Variants in RARB observed in about 807,000 individuals in gnomAD.
RARB encodes the protein HBV-activated protein.
Under a neutral mutation model 51.9 loss-of-function variants are expected in RARB, and 17 were observed. The ratio of observed to expected loss-of-function variants is 0.33; its 90% CI spans 0.22 to 0.49. The LOEUF is 0.49. RARB is among the 20% of genes least tolerant of loss of function. The pLI is 0.99. For synonymous variants in RARB, 215 were observed against 195.4 expected (o/e 1.10, Z -0.84); for missense variants, 369 against 550.8 (o/e 0.67, Z 3.30).
At chr3:24,920,043 C>G (rs1211401713) in intron 2 of RARB, among the ~76,000 whole-genome samples, 1 of 152,140 alleles carries the variant, frequency 6.6e-6, no homozygotes, top group East Asian at 1.9e-4. Context: ...GCTAGTCATA[C>G]AAACCAAAGA....
At chr3:25,102,393 T>G (rs985461760) in intron 3 of RARB, among the ~76,000 whole-genome samples, 5 of 151,170 alleles carry the variant, frequency 3.3e-5, no homozygotes, top group Admixed American at 3.3e-4. Flanking sequence ...ATACAAAAAT[T>G]AGTCAGGCAT....
At chr3:25,137,280 T>G (rs1413186582) in intron 4 of RARB, among the ~76,000 whole-genome samples, 6 of 152,076 alleles carry the variant, frequency 3.9e-5, no homozygotes, top group Non-Finnish European at 8.8e-5. Flanking sequence ...TTCTTATAAT[T>G]TATCATTTCT....
chr3:25,069,780 G>T (rs1476806746), intron 3 of RARB, among the ~76,000 whole-genome samples: 1 of 152,192 alleles, frequency 6.6e-6, no homozygotes, highest in Non-Finnish European at 1.5e-5. Context: ...TGACCCTTCA[G>T]TAGCAAATAT....
At chr3:24,857,869 T>A (rs1000741693) in intron 1 of RARB, among the ~76,000 whole-genome samples, 1 of 152,196 alleles carries the variant, frequency 6.6e-6, no homozygotes, top group Admixed American at 6.5e-5. Flanking sequence ...GAAGTCACAG[T>A]GAGCTGTTAT....
At chr3:25,007,200 A>G (rs1389445341) in intron 2 of RARB, among the ~76,000 whole-genome samples, 2 of 152,222 alleles carry the variant, frequency 1.3e-5, no homozygotes, top group African/African-American at 4.8e-5. Flanking sequence ...TCTTCTGATT[A>G]CTATAAACAG....
intron 2 of RARB, among the ~76,000 whole-genome samples, chr3:24,970,462 T>C (rs1575097658): frequency 1.3e-5 from 2 of 151,958 alleles, no homozygotes; most frequent in East Asian, 1.9e-4. Flanking sequence ...TCTTTTATAT[T>C]TGAAGACTAG....
At chr3:25,325,981 C>T (rs1704705624) in intron 5 of RARB, among the ~76,000 whole-genome samples, 1 of 152,166 alleles carries the variant, frequency 6.6e-6, no homozygotes, top group Admixed American at 6.5e-5. Context: ...GCTGACTGTA[C>T]ATCCCCTATC....
chr3:25,122,895 C>G (rs1315276912), intron 3 of RARB, among the ~76,000 whole-genome samples: 1 of 152,152 alleles, frequency 6.6e-6, no homozygotes, highest in Non-Finnish European at 1.5e-5. Context: ...ATGCTAAATC[C>G]TTTCCATCGG....
At chr3:25,005,184 A>C (rs1697245045) in intron 2 of RARB, among the ~76,000 whole-genome samples, 1 of 152,186 alleles carries the variant, frequency 6.6e-6, no homozygotes, top group African/African-American at 2.4e-5. Flanking sequence ...CTCTTGAATG[A>C]AATAGCCTCC....
At chr3:25,234,112 T>C (rs1392912869) in intron 5 of RARB, among the ~76,000 whole-genome samples, 5 of 152,190 alleles carry the variant, frequency 3.3e-5, no homozygotes, top group Non-Finnish European at 7.4e-5. Context: ...CTTAATTTTC[T>C]GAATGAGATT....
intron 5 of RARB, among the ~76,000 whole-genome samples, chr3:25,402,817 G>A (rs1707300418): frequency 6.6e-6 from 1 of 152,076 alleles, no homozygotes; most frequent in African/African-American, 2.4e-5. Flanking sequence ...GAGTGGTAGT[G>A]GGGGTTGGGG....
intron 3 of RARB, among the ~76,000 whole-genome samples, chr3:25,509,063 C>T (rs1697753514): frequency 6.6e-6 from 1 of 152,154 alleles, no homozygotes; most frequent in Non-Finnish European, 1.5e-5. Flanking sequence ...ACACTCAGTA[C>T]ATTCTCACCT....
intron 5 of RARB, among the ~76,000 whole-genome samples, chr3:25,234,920 A>G (rs1205394009): frequency 3.3e-5 from 5 of 151,904 alleles, no homozygotes; most frequent in African/African-American, 1.2e-4. Context: ...CCACCACATC[A>G]ACACGATTTT....
chr3:25,034,501 CAGA>C (rs1457721001), intron 2 of RARB, among the ~76,000 whole-genome samples: 1 of 152,170 alleles, frequency 6.6e-6, no homozygotes, highest in South Asian at 2.1e-4. Context: ...TTTCTCTAGG[CAGA>C]AGAAGATGGC....
intron 5 of RARB, among the ~76,000 whole-genome samples, chr3:25,384,396 A>G (rs1706732517): frequency 6.6e-6 from 1 of 152,234 alleles, no homozygotes; most frequent in African/African-American, 2.4e-5. Flanking sequence ...AGCATGTAGA[A>G]TAACAATGAG....
intron 2 of RARB, among the ~76,000 whole-genome samples, chr3:24,969,316 A>C (rs374671763): frequency 6.6e-6 from 1 of 152,210 alleles, no homozygotes; most frequent in African/African-American, 2.4e-5. Flanking sequence ...AGCATAAAGA[A>C]AGCACCATCT....
chr3:24,915,850 C>G (rs1372330669), intron 2 of RARB, among the ~76,000 whole-genome samples: 1 of 151,932 alleles, frequency 6.6e-6, no homozygotes, highest in Non-Finnish European at 1.5e-5. Flanking sequence ...TGATCTCACC[C>G]CAGTAGAAGG....
chr3:25,264,387 G>A (rs962846121), intron 5 of RARB, among the ~76,000 whole-genome samples: 12 of 152,080 alleles, frequency 7.9e-5, no homozygotes, highest in African/African-American at 2.6e-4. Flanking sequence ...TAAGGCAAAG[G>A]CTAAGACCCA....
rs137913799 is a variant in RARB at position 24,919,112 on chromosome 3, A to G, written c.-380+60360A>G. On this transcript the variant is annotated intron_variant, in intron 2 of 11. Transcript: ENST00000383772. ...AGTAATTTTAACAAAATTGCAGGAG[A>G]TAAACTGTACTTATCACAGCATTTA... 5.1e-4 allele frequency among the ~76,000 whole-genome samples: 77 copies of G among 152,310 alleles called. 1 individual carries two copies. The East Asian group carries it at 0.013, about 25-fold the overall frequency.
Sources: allele counts gnomAD v4.1 joint callset (sites outside exome capture counted in the v4.1 genomes callset), GRCh38; gene constraint gnomAD v4.1.1; transcripts MANE v1.5; gene names NCBI Gene and HGNC (gene_info 2026-07-23, HGNC 2026-07-21).